The following CNTN4 variants were observed in gnomAD, a reference collection of about 807,000 sequenced individuals.
The protein encoded by CNTN4 is contactin 4.
Under a neutral mutation model 122.5 loss-of-function variants are expected in CNTN4, and 77 were observed. The observed-to-expected ratio is 0.63, with a 90% CI of 0.52 to 0.76. The LOEUF is 0.76. Among genes scored for constraint, CNTN4 ranks in the 30% least tolerant of loss-of-function variants. The pLI is 0.00. For missense variants in CNTN4, 1,256 were observed against 1,259.1 expected (o/e 1.00, Z 0.04); for synonymous variants, 512 against 447.0 (o/e 1.15, Z -1.83).
intron 12 of CNTN4, among the ~76,000 whole-genome samples, chr3:2,920,677 A>T (rs2094420002): frequency 6.6e-6 from 1 of 152,184 alleles, no homozygotes; most frequent in South Asian, 2.1e-4. Flanking sequence ...CAGTAGTGGA[A>T]ATAGCAGTGG....
intron 6 of CNTN4, among the ~76,000 whole-genome samples, chr3:2,795,386 G>A (rs1212018000): frequency 6.6e-6 from 1 of 152,096 alleles, no homozygotes; most frequent in Non-Finnish European, 1.5e-5. Context: ...GATTTGGTGA[G>A]CTCCCAATAC....
At chr3:2,911,251 G>A (rs1337262806) in intron 12 of CNTN4, among the ~76,000 whole-genome samples, 1 of 152,134 alleles carries the variant, frequency 6.6e-6, no homozygotes, top group Non-Finnish European at 1.5e-5. Context: ...GACACTAGGG[G>A]AGGTCCAGTA....
chr3:2,349,743 C>T (rs2044536699), intron 3 of CNTN4, among the ~76,000 whole-genome samples: 1 of 152,190 alleles, frequency 6.6e-6, no homozygotes, highest in Non-Finnish European at 1.5e-5. Context: ...CTCAGATAAT[C>T]TTACCCAGTG....
rs141110534 is a variant in CNTN4, at chr3:2,646,260, A to T, written c.55+74702A>T. On this transcript the variant is annotated intron_variant, in intron 4 of 24. Coordinates refer to ENST00000418658, the MANE Select transcript of CNTN4 (RefSeq NM_175607.3). ...GTAATAAACATATATAAACACTATC[A>T]ATCAAAATGAATATTCAATTTCTAG... 1.3e-3 allele frequency among the ~76,000 whole-genome samples: 196 copies of T among 152,334 alleles called. 1 individual carries two copies. Among genetic ancestry groups the T allele is most frequent in the African/African-American group, 4.3e-3 (177 of 41,568 alleles).
intron 4 of CNTN4, among the ~76,000 whole-genome samples, chr3:2,635,734 G>A (rs1334509086): frequency 6.6e-6 from 1 of 152,132 alleles, no homozygotes; most frequent in Admixed American, 6.5e-5. Flanking sequence ...CCATAGCACT[G>A]ATGTTTATGG....
chr3:2,221,350 A>G (rs185659208), intron 2 of CNTN4, among the ~76,000 whole-genome samples: 3 of 152,192 alleles, frequency 2.0e-5, no homozygotes, highest in Non-Finnish European at 4.4e-5. Context: ...TAGCTGATGT[A>G]TAGCTCAAAA....
intron 2 of CNTN4, among the ~76,000 whole-genome samples, chr3:2,333,214 A>G (rs1398231146): frequency 6.6e-6 from 1 of 152,214 alleles, no homozygotes; most frequent in South Asian, 2.1e-4. Context: ...TAGGCTCTTA[A>G]GTGTCTTCCA....
chr3:2,223,868 G>A (rs182326067), intron 2 of CNTN4, among the ~76,000 whole-genome samples: 123 of 152,132 alleles, frequency 8.1e-4, no homozygotes, highest in African/African-American at 2.8e-3. Flanking sequence ...CCCACAAAAC[G>A]GGGTCCCACA....
Position 2,312,362 on chromosome 3 carries a change from C to A in CNTN4, c.-144-26816C>A, listed in dbSNP as rs2042945675. On this transcript the variant is annotated intron_variant, in intron 2 of 24. Transcript: ENST00000418658. The stretch of plus-strand genomic sequence containing the variant: ...CATCCTCCTGAATAATTAGGGCAAT[C>A]AAACACTGCCAACCAACATTTGACA... Among the ~76,000 whole-genome samples the A allele has an allele frequency of 2.0e-5, 3 of 152,110 alleles. No homozygotes were observed. In the South Asian group the frequency reaches 6.2e-4, roughly 32 times the overall value.
At chr3:2,334,148 T>C (rs770062527) in intron 2 of CNTN4, among the ~76,000 whole-genome samples, 97 of 152,146 alleles carry the variant, frequency 6.4e-4, no homozygotes, top group Non-Finnish European at 5.7e-4. Flanking sequence ...CTGGTTTGGC[T>C]TGTCTCATTT....
chr3:2,572,089 T>G (rs1289538924), intron 4 of CNTN4, among the ~76,000 whole-genome samples: 1 of 152,098 alleles, frequency 6.6e-6, no homozygotes, highest in Non-Finnish European at 1.5e-5. Context: ...GAAAAGGGAT[T>G]TGGAAAGTTC....
intron 2 of CNTN4, among the ~76,000 whole-genome samples, chr3:2,279,337 T>C (rs1034653899): frequency 6.6e-6 from 1 of 152,178 alleles, no homozygotes; most frequent in African/African-American, 2.4e-5. Flanking sequence ...AGTCAGTTGT[T>C]ATATGCCCTG....
At chr3:2,184,479 G>A (rs1488394900) in intron 2 of CNTN4, among the ~76,000 whole-genome samples, 1 of 152,152 alleles carries the variant, frequency 6.6e-6, no homozygotes, top group Non-Finnish European at 1.5e-5. Flanking sequence ...GAAGGAGGAT[G>A]CTTCAGACAC....
At chr3:2,860,965 C>T (rs1025179732) in intron 7 of CNTN4, among the ~76,000 whole-genome samples, 6 of 152,002 alleles carry the variant, frequency 3.9e-5, no homozygotes, top group African/African-American at 9.7e-5. Context: ...TTGGGTTGCT[C>T]GCAATTTCTA....
At chr3:2,522,404 A>G (rs1161276609) in intron 3 of CNTN4, among the ~76,000 whole-genome samples, 2 of 152,088 alleles carry the variant, frequency 1.3e-5, no homozygotes, top group Admixed American at 6.6e-5. Flanking sequence ...TTGATTTACA[A>G]TATCTCTTAG....
chr3:2,130,067 C>T (rs754649236), intron 2 of CNTN4, among the ~76,000 whole-genome samples: 1 of 152,094 alleles, frequency 6.6e-6, no homozygotes, highest in South Asian at 2.1e-4. Flanking sequence ...TAGAGCACAT[C>T]ATAACTTTCT....
intron 4 of CNTN4, among the ~76,000 whole-genome samples, chr3:2,720,191 T>C (rs928918557): frequency 3.3e-5 from 5 of 152,194 alleles, no homozygotes; most frequent in South Asian, 2.1e-4. Flanking sequence ...AATACAGATA[T>C]TTCCTATTTT....
intron 3 of CNTN4, among the ~76,000 whole-genome samples, chr3:2,555,814 A>G (rs540000913): frequency 6.6e-6 from 1 of 152,254 alleles, no homozygotes; most frequent in South Asian, 2.1e-4. Context: ...TGGAGGCTTG[A>G]TCAGAGTTGT....
intron 4 of CNTN4, among the ~76,000 whole-genome samples, chr3:2,581,672 T>C (rs546428507): frequency 6.6e-6 from 1 of 152,328 alleles, no homozygotes; most frequent in African/African-American, 2.4e-5. Context: ...GCAAATTGCA[T>C]TGACCAAAAC....
Sources: gnomAD v4.1 joint callset for allele counts (sites outside exome capture counted in the v4.1 genomes callset) on GRCh38, gnomAD v4.1.1 for gene constraint, MANE v1.5 for transcripts, NCBI Gene and HGNC (gene_info 2026-07-23, HGNC 2026-07-21) for gene names.